UBR1: variants seen among roughly 807,000 people sequenced by gnomAD.
UBR1 encodes E3 ubiquitin-protein ligase UBR1.
In UBR1, 102 loss-of-function variants were observed where a neutral mutation model predicts 242.1. That is an observed-to-expected ratio of 0.42 (90% CI 0.36 to 0.50). The LOEUF (loss-of-function observed/expected upper bound fraction) is 0.50. UBR1 is among the 20% of genes least tolerant of loss of function. The probability of loss-of-function intolerance (pLI) is 0.01; values close to 1 mark genes in which losing one functional copy is unlikely to be tolerated. For missense variants in UBR1, 1,772 were observed against 2,101.8 expected, an observed-to-expected ratio of 0.84 and a Z score of 3.07; for synonymous variants, 675 against 684.8, an observed-to-expected ratio of 0.99 and a Z score of 0.22.
Position 43,036,237 on chromosome 15 carries a change from C to T in UBR1, c.2131G>A (p.Val711Ile). The T allele has an allele frequency of 1.2e-6, 2 of 1,613,620 alleles. No homozygotes were observed. The highest frequency in any genetic ancestry group is 2.2e-5 in the South Asian group (2 of 91,072). ...LMDPNKFLLL[V>I]LQRYELAEAF... ...TCGGCAAGTTCATACCTCTGAAGTA[C>T]CAGTAACAAGAACTTATTGGGATCC... Residue 711 changes from valine to isoleucine, a missense_variant, in exon 19 of 47, where the codon GTA becomes ATA. By Grantham distance (29) the Val-to-Ile change is conservative. Coordinates refer to ENST00000290650, the MANE Select transcript of UBR1 (RefSeq NM_174916.3).
chr15:42,949,541 G>A (rs1024815123), intron 46 of UBR1, among the ~76,000 whole-genome samples: 11 of 152,058 alleles, frequency 7.2e-5, no homozygotes, highest in African/African-American at 2.7e-4. Context: ...GCTCATGCCT[G>A]TAATCCCAGC....
intron 35 of UBR1, among the ~76,000 whole-genome samples, chr15:42,986,386 G>T (rs1280879928): frequency 6.6e-6 from 1 of 152,164 alleles, no homozygotes; most frequent in Non-Finnish European, 1.5e-5. Flanking sequence ...CATATGAAAA[G>T]ATTCAGCTCT....
At chr15:43,077,921 T>C (rs1014936591) in intron 3 of UBR1, among the ~76,000 whole-genome samples, 3 of 152,068 alleles carry the variant, frequency 2.0e-5, no homozygotes, top group Non-Finnish European at 2.9e-5. Context: ...AGGAGAACAC[T>C]AAAACCATAC....
intron 13 of UBR1, 98 bp downstream of exon 13, chr15:43,048,294 T>C: frequency 2.3e-6 from 2 of 868,916 alleles, no homozygotes; most frequent in Non-Finnish European, 3.6e-6. Flanking sequence ...GCTAGATAAA[T>C]TCTTTCTTGT....
chr15:42,950,170 C>T (rs976337349), intron 46 of UBR1, 92 bp downstream of exon 46: 1 of 1,178,002 alleles, frequency 8.5e-7, no homozygotes, highest in Non-Finnish European at 1.3e-6. Flanking sequence ...AGAACTATTA[C>T]CGTTTACATA....
At chr15:42,964,732 A>G (rs1596077699) in intron 41 of UBR1, among the ~76,000 whole-genome samples, 2 of 152,182 alleles carry the variant, frequency 1.3e-5, no homozygotes, top group African/African-American at 2.4e-5. Flanking sequence ...TCTCTTTGCA[A>G]TTCTGTGACT....
intron 14 of UBR1, among the ~76,000 whole-genome samples, chr15:43,046,163 A>G (rs1317266573): frequency 6.6e-6 from 1 of 152,242 alleles, no homozygotes; most frequent in Non-Finnish European, 1.5e-5. Context: ...ATCACCTAAC[A>G]ATTGTGCATG....
chr15:43,020,664 C>G (rs528613757), intron 27 of UBR1, among the ~76,000 whole-genome samples: 2 of 152,296 alleles, frequency 1.3e-5, no homozygotes, highest in African/African-American at 4.8e-5. Context: ...TTATAAGGAC[C>G]TACAAGATCC....
intron 19 of UBR1, 85 bp from the exon 20 acceptor site, chr15:43,032,716 C>G (rs1316592778): frequency 3.1e-5 from 25 of 798,152 alleles, no homozygotes; most frequent in Non-Finnish European, 5.1e-5. Context: ...ACTCATGGTC[C>G]ATCCAGCCTA....
chr15:43,058,282 A>C (rs966139790), intron 10 of UBR1, 59 bp downstream of exon 10: 2 of 1,036,648 alleles, frequency 1.9e-6, no homozygotes, highest in Admixed American at 1.9e-5. Context: ...TGTTTCTATT[A>C]ATTCATTTAT....
At chr15:43,079,815 C>T (rs1450723005) in intron 3 of UBR1, among the ~76,000 whole-genome samples, 1 of 152,020 alleles carries the variant, frequency 6.6e-6, no homozygotes, top group Non-Finnish European at 1.5e-5. Context: ...AATAAAAGTC[C>T]TGAGGGTATT....
At chr15:42,978,706 T>C (rs1244613411) in intron 37 of UBR1, among the ~76,000 whole-genome samples, 2 of 151,666 alleles carry the variant, frequency 1.3e-5, no homozygotes, top group African/African-American at 2.4e-5. Context: ...CTTTTCAGAC[T>C]AGGTAAATTT....
intron 27 of UBR1, 71 bp downstream of exon 27, chr15:43,021,204 A>T: frequency 7.8e-7 from 1 of 1,282,144 alleles, no homozygotes; most frequent in African/African-American, 1.5e-5. Context: ...ACAGTGGTTT[A>T]ACACTGGAGG....
At position 42,945,255 on chromosome 15, in the gene UBR1, G is replaced by A; in HGVS notation, c.*74C>T. The A allele has an allele frequency of 6.2e-7, 1 of 1,608,874 alleles. No individual in the cohort carries two copies. Among genetic ancestry groups the A allele is most frequent in the African/African-American group, 1.3e-5 (1 of 74,952 alleles). ...CCCTCCAATACTTTCCCAGCCCTCA[G>A]AAAGTTTTCCATAATTTTGAATCAG... On this transcript the variant is annotated 3_prime_UTR_variant, in exon 47 of 47. Transcript: ENST00000290650.
intron 40 of UBR1, among the ~76,000 whole-genome samples, chr15:42,968,193 T>C (rs999140023): frequency 3.9e-5 from 6 of 152,138 alleles, no homozygotes; most frequent in Non-Finnish European, 7.4e-5. Context: ...AATCCAATCA[T>C]CTTTTGTCTA....
chr15:43,097,967 A>C (rs1348608886), intron 1 of UBR1, among the ~76,000 whole-genome samples: 1 of 152,220 alleles, frequency 6.6e-6, no homozygotes, highest in Non-Finnish European at 1.5e-5. Flanking sequence ...TTGGCACAAG[A>C]GGCATAACTC....
At chr15:43,017,975 G>A (rs757038345) in intron 27 of UBR1, among the ~76,000 whole-genome samples, 17 of 150,856 alleles carry the variant, frequency 1.1e-4, no homozygotes, top group South Asian at 6.3e-4. Context: ...ATTTATCTTC[G>A]GAGACATTTC....
chr15:43,090,792 A>T (rs1276470695), intron 1 of UBR1, among the ~76,000 whole-genome samples: 1 of 152,228 alleles, frequency 6.6e-6, no homozygotes, highest in East Asian at 1.9e-4. Context: ...AAGCTGAATC[A>T]CAGGGAAGTA....
chr15:42,963,783 C>A, intron 42 of UBR1, 152 bp downstream of exon 42: 1 of 598,512 alleles, frequency 1.7e-6, no homozygotes, highest in Non-Finnish European at 3.0e-6. Flanking sequence ...TTGATCTTAT[C>A]CCCACTTCTT....
Sources: gnomAD v4.1 joint callset for allele counts (sites outside exome capture counted in the v4.1 genomes callset) on GRCh38, gnomAD v4.1.1 for gene constraint, MANE v1.5 for transcripts, NCBI Gene and HGNC (gene_info 2026-07-23, HGNC 2026-07-21) for gene names.